ZNF121: variants seen among roughly 807,000 people sequenced by gnomAD.
The protein encoded by ZNF121 is zinc finger protein 121.
In ZNF121, 1 loss-of-function variant was observed where a neutral mutation model predicts 2.4. The observed-to-expected ratio is 0.41, with a 90% CI of 0.15 to 1.94. The LOEUF (loss-of-function observed/expected upper bound fraction) is 1.94. Ranked by LOEUF, ZNF121 falls within the 30% of genes most tolerant of loss-of-function variation. The pLI, the probability that ZNF121 is intolerant of heterozygous loss-of-function variation, is 0.30. For missense variants in ZNF121, 369 were observed against 466.3 expected, an observed-to-expected ratio of 0.79 and a Z score of 1.92; for synonymous variants, 173 against 158.6, an observed-to-expected ratio of 1.09 and a Z score of -0.68.
At position 9,565,787 on chromosome 19, in the gene ZNF121, C is replaced by A; in HGVS notation, c.*153G>T. 2 of 539,568 alleles carry A rather than the reference C, an allele frequency of 3.7e-6. No individual in the cohort carries two copies. The highest frequency in any genetic ancestry group is 3.4e-5 in the South Asian group (1 of 29,126). 33.4% of individuals were successfully genotyped at this position (539,568 alleles called of 1,614,324 possible). A position where few individuals can be genotyped will look rare whatever the true frequency, so the allele number is the denominator to read the frequency against. On this transcript the variant is annotated 3_prime_UTR_variant, in exon 4 of 4. Transcript: ENST00000320451. ...ATAGGGGACACATAGAGTATGAGTT[C>A]TTTCATGTCTTCGAAGTGAATGGGG...
chr19:9,572,481 T>A (rs1286137719), intron 1 of ZNF121, among the ~76,000 whole-genome samples: 1 of 152,130 alleles, frequency 6.6e-6, no homozygotes, highest in Non-Finnish European at 1.5e-5. Context: ...GGGACAAAGA[T>A]GGGAGGCAGG....
chr19:9,568,154 A>C lies in ZNF121; in HGVS notation c.-57T>G. On this transcript the variant is annotated 5_prime_UTR_variant, in exon 3 of 4. Transcript: ENST00000320451. Reference sequence around the variant, plus strand: ...AAAAAAATGTTGTTGAGGTGCTGACACTTTGGTTTTAACTTGCCATTCTGA... The same window carrying C: ...AAAAAAATGTTGTTGAGGTGCTGACCCTTTGGTTTTAACTTGCCATTCTGA... The C allele has an allele frequency of 6.7e-7, 1 of 1,501,298 alleles. No homozygotes were observed. Among genetic ancestry groups the C allele is most frequent in the East Asian group, 2.3e-5 (1 of 43,820 alleles). 93.0% of individuals were successfully genotyped at this position (1,501,298 alleles called of 1,614,324 possible). A position where few individuals can be genotyped will look rare whatever the true frequency, so the allele number is the denominator to read the frequency against.
At chr19:9,582,461 A>G (rs1468343918) in intron 1 of ZNF121, among the ~76,000 whole-genome samples, 1 of 152,102 alleles carries the variant, frequency 6.6e-6, no homozygotes, top group African/African-American at 2.4e-5. Context: ...CCCTGCCCGC[A>G]AGAGAACAAC....
At chr19:9,578,879 C>T (rs1007805890) in intron 1 of ZNF121, among the ~76,000 whole-genome samples, 5 of 148,440 alleles carry the variant, frequency 3.4e-5, no homozygotes, top group Admixed American at 1.4e-4. Context: ...AAACAATCAA[C>T]AAACTGAAGA....
chr19:9,580,587 A>C (rs1411533699), intron 1 of ZNF121, among the ~76,000 whole-genome samples: 1 of 152,216 alleles, frequency 6.6e-6, no homozygotes, highest in East Asian at 1.9e-4. Flanking sequence ...TGGAGGCAAC[A>C]TATACATTTG....
chr19:9,577,299 T>C (rs558202507), intron 1 of ZNF121, among the ~76,000 whole-genome samples: 1 of 151,446 alleles, frequency 6.6e-6, no homozygotes, highest in Non-Finnish European at 1.5e-5. Context: ...AACACAAAAG[T>C]TAGCTGGGAG....
rs1314097783 is a variant in ZNF121, at chr19:9,561,192, C to G, written c.*4748G>C. The G allele has an allele frequency of 6.6e-6, 1 of 152,062 alleles. No homozygotes were observed. Among genetic ancestry groups the G allele is most frequent in the East Asian group, 1.9e-4 (1 of 5,194 alleles). The allele number at this position is 152,062 out of a possible 1,614,324, so 9.4% of individuals were successfully genotyped here. On this transcript the variant is annotated 3_prime_UTR_variant, in exon 4 of 4. Coordinates refer to ENST00000320451, the MANE Select transcript of ZNF121 (RefSeq NM_001008727.5). Reference sequence around the variant, plus strand: ...TTTTGTATGTCTTTGCCATATCCTCCATAGAGAAGACCTAAAAGCCAGGGC... The same window carrying G: ...TTTTGTATGTCTTTGCCATATCCTCGATAGAGAAGACCTAAAAGCCAGGGC...
Position 9,566,419 on chromosome 19 carries a change from C to G in ZNF121, c.694G>C (p.Glu232Gln), listed in dbSNP as rs1010157018. Residue 232 changes from glutamate (E) to glutamine (Q), a missense_variant, in exon 4 of 4, where the codon GAA becomes CAA. Glu to Gln is a conservative substitution (Grantham distance 29, BLOSUM62 2). This residue lies in a region of ZNF121 where 6 missense variants were observed against 28.6 expected (regional missense o/e 0.21). Coordinates refer to ENST00000320451, the MANE Select transcript of ZNF121 (RefSeq NM_001008727.5). ...AACCTATTGTAGGCTTTCCCACATT[C>G]GTTACATTCATAGGGCTTCTCTCCA... The part of the protein sequence containing the change: ...HTGEKPYECN[E>Q]CGKAYNRFYL... 1 of 1,613,930 alleles carries G rather than the reference C, an allele frequency of 6.2e-7. No homozygotes were observed. The highest frequency in any genetic ancestry group is 1.3e-5 in the African/African-American group (1 of 74,940).
At position 9,567,024 on chromosome 19, in the gene ZNF121, A is replaced by G; in HGVS notation, c.89T>C (p.Met30Thr). The stretch of plus-strand genomic sequence containing the variant: ...AGTGTCCCCTGTATTTTCAGTTCCC[A>G]TGTGTGCATTAAGGCATGAGTGTTC... ...FSEHSCLNAH[M>T]GTENTGDTYD... is the part of the protein sequence containing the mutation. The change falls in exon 4 of 4, where the codon ATG becomes ACG. Residue 30 changes from methionine (M) to threonine (T), a missense_variant. By Grantham distance (81) the Met-to-Thr change is moderately conservative. Coordinates refer to ENST00000320451, the MANE Select transcript of ZNF121 (RefSeq NM_001008727.5). 1 of 1,614,098 alleles carries G rather than the reference A, an allele frequency of 6.2e-7. No individual in the cohort carries two copies. The highest frequency in any genetic ancestry group is 8.5e-7 in the Non-Finnish European group (1 of 1,180,018).
At position 9,565,962 on chromosome 19, in the gene ZNF121, G is replaced by T. The variant is rs1486546842; in HGVS notation, c.1151C>A (p.Thr384Asn). The change falls in exon 4 of 4, where the codon ACT becomes AAT. Residue 384 changes from threonine (T) to asparagine (N), a missense_variant. By Grantham distance (65) the Thr-to-Asn change is moderately conservative. Transcript: ENST00000320451. ...TCTTCAGTGTGTTTTTAAATGTTTA[G>T]TAAGTAAATAAAATCTATTGTAGGC... Reference protein sequence around the residue: ...GKAYNRFYLLTKHLKTH With the variant: ...GKAYNRFYLLNKHLKTH 1.3e-6 allele frequency: 2 copies of T among 1,568,382 alleles called. No homozygotes were observed. Among genetic ancestry groups the T allele is most frequent in the Non-Finnish European group, 1.7e-6 (2 of 1,158,402 alleles).
At chr19:9,569,843 T>A (rs1599736809) in intron 1 of ZNF121, among the ~76,000 whole-genome samples, 1 of 145,548 alleles carries the variant, frequency 6.9e-6, no homozygotes, top group African/African-American at 2.8e-5. Context: ...GAGATCTTTT[T>A]TTTTTTTTTT....
chr19:9,567,555 G>A, intron 3 of ZNF121: 1 of 233,820 alleles, frequency 4.3e-6, no homozygotes, highest in South Asian at 5.6e-5. Context: ...GATAGGGATG[G>A]TTTCAGCATG....
Position 9,583,057 on chromosome 19 carries a change from C to CAAAA in ZNF121, c.-160+1400_-160+1403dup, listed in dbSNP as rs1326380773. Among the ~76,000 whole-genome samples, 7 of 122,130 alleles carry CAAAA rather than the reference C, an allele frequency of 5.7e-5. 1 individual carries two copies. Among genetic ancestry groups the CAAAA allele is most frequent in the African/African-American group, 1.9e-4 (6 of 30,850 alleles). 80.1% of individuals were successfully genotyped at this position (122,130 alleles called of 152,430 possible). On this transcript the variant is annotated intron_variant, in intron 1 of 3. Transcript: ENST00000320451. Reference sequence around the variant, plus strand: ...TGAAACCCTGTCTCCACTAAAAATACAAAAAAAAAAAATTAGCTGGGCATG... The same window carrying CAAAA: ...TGAAACCCTGTCTCCACTAAAAATACAAAAAAAAAAAAAAAATTAGCTGGGCATG...
At chr19:9,577,576 CCATGCT>C (rs1462548274) in intron 1 of ZNF121, among the ~76,000 whole-genome samples, 1 of 152,044 alleles carries the variant, frequency 6.6e-6, no homozygotes, top group Non-Finnish European at 1.5e-5. Context: ...GGAAGATATT[CCATGCT>C]CATGGATTAG....
At chr19:9,569,651 C>T (rs2074158679) in intron 1 of ZNF121, among the ~76,000 whole-genome samples, 1 of 150,680 alleles carries the variant, frequency 6.6e-6, no homozygotes, top group African/African-American at 2.4e-5. Context: ...CCTGCCTCAG[C>T]CTCGTGAGCA....
intron 3 of ZNF121, chr19:9,567,646 AC>A: frequency 2.9e-6 from 1 of 340,618 alleles, no homozygotes; most frequent in Non-Finnish European, 6.1e-6. Context: ...TATACAACTC[AC>A]CATAAAATAG....
rs2074120644 is a variant in ZNF121, at chr19:9,565,115, T to C, written c.*825A>G. The C allele has an allele frequency of 1.3e-5, 2 of 152,058 alleles. No homozygotes were observed. The highest frequency in any genetic ancestry group is 1.3e-4 in the Admixed American group (2 of 15,240). The allele number at this position is 152,058 out of a possible 1,614,324, so 9.4% of individuals were successfully genotyped here. ...TGTATGATTCATGTTATTGTGATATTCACTTTATAGTGGTAGTCTGGAACA... is the reference window on the plus strand; with the variant it reads ...TGTATGATTCATGTTATTGTGATATCCACTTTATAGTGGTAGTCTGGAACA... On this transcript the variant is annotated 3_prime_UTR_variant, in exon 4 of 4. Transcript: ENST00000320451.
intron 1 of ZNF121, among the ~76,000 whole-genome samples, chr19:9,575,484 C>T (rs2074204193): frequency 6.6e-6 from 1 of 151,440 alleles, no homozygotes; most frequent in Admixed American, 6.6e-5. Context: ...TGGCTCACAC[C>T]TGTAATCCCA....
intron 1 of ZNF121, among the ~76,000 whole-genome samples, chr19:9,582,871 C>G (rs2074257308): frequency 1.0e-5 from 1 of 96,808 alleles, no homozygotes; most frequent in Non-Finnish European, 2.0e-5. Flanking sequence ...TTAATAAATT[C>G]AATAGATACT....
Sources: gnomAD v4.1 joint callset for allele counts (sites outside exome capture counted in the v4.1 genomes callset) on GRCh38, gnomAD v4.1.1 for gene constraint, gnomAD v4.1.1 regional missense constraint, MANE v1.5 for transcripts, NCBI Gene and HGNC (gene_info 2026-07-23, HGNC 2026-07-21) for gene names.